The following FER1L6 variants were observed in gnomAD, a reference collection of about 807,000 sequenced individuals.
The protein encoded by FER1L6 is fer-1-like protein 6.
A neutral mutation model predicts 219.2 loss-of-function variants in FER1L6; 177 were observed. That is an observed-to-expected ratio of 0.81 (90% CI 0.71 to 0.91). The LOEUF (loss-of-function observed/expected upper bound fraction) is 0.91. Among genes scored for constraint, FER1L6 ranks in the 40% least tolerant of loss-of-function variants. The probability of loss-of-function intolerance (pLI) is 0.00; values close to 1 mark genes in which losing one functional copy is unlikely to be tolerated. For synonymous variants in FER1L6, 768 were observed against 824.3 expected, an observed-to-expected ratio of 0.93 and a Z score of 1.17; for missense variants, 2,153 against 2,259.9, an observed-to-expected ratio of 0.95 and a Z score of 0.96.
At chr8:123,931,610 A>G (rs576948926) in intron 1 of FER1L6, among the ~76,000 whole-genome samples, 97 of 152,372 alleles carry the variant, frequency 6.4e-4, no homozygotes, top group African/African-American at 2.3e-3. Context: ...AACTGCAAAG[A>G]CAATGTATTT....
chr8:123,977,277 G>A, intron 9 of FER1L6, 140 bp from the exon 10 acceptor site: 4 of 771,858 alleles, frequency 5.2e-6, no homozygotes, highest in Non-Finnish European at 8.4e-6. Context: ...CACGTTCGCT[G>A]AGTGTAACTG....
intron 1 of FER1L6, among the ~76,000 whole-genome samples, chr8:123,911,761 A>G (rs1419485745): frequency 6.6e-6 from 1 of 152,188 alleles, no homozygotes; most frequent in Admixed American, 6.5e-5. Flanking sequence ...GGTGAGATCA[A>G]GTCCTCAGAC....
In FER1L6 at chr8:124,067,851, C is replaced by T. The variant is rs139775700; in HGVS notation, c.3718+45C>T. 28 of 1,527,438 alleles carry T rather than the reference C, an allele frequency of 1.8e-5. No individual in the cohort carries two copies. The East Asian group carries it at 2.7e-4, about 15-fold the overall frequency. The allele number at this position is 1,527,438 out of a possible 1,614,324, so 94.6% of individuals were successfully genotyped here. A position where few individuals can be genotyped will look rare whatever the true frequency, so the allele number is the denominator to read the frequency against. On this transcript the variant is annotated intron_variant, in intron 28 of 40. Coordinates refer to ENST00000522917, the MANE Select transcript of FER1L6 (RefSeq NM_001039112.2). ...ACATTTGTCCATAGAATAGGGCCAT[C>T]GTTACGAGAAAATTGTAAAATGGAA...
chr8:123,988,654 T>C (rs551172504), intron 12 of FER1L6, among the ~76,000 whole-genome samples: 17 of 152,382 alleles, frequency 1.1e-4, no homozygotes, highest in South Asian at 6.2e-4. Flanking sequence ...GAAATGCTAC[T>C]AATTTTTAAA....
At chr8:123,952,697 A>G (rs1403450876) in intron 1 of FER1L6, among the ~76,000 whole-genome samples, 1 of 152,036 alleles carries the variant, frequency 6.6e-6, no homozygotes, top group Non-Finnish European at 1.5e-5. Flanking sequence ...TTGTCTGGAA[A>G]CCCCTGAAAT....
At chr8:123,891,699 G>T (rs753686289) in intron 1 of FER1L6, among the ~76,000 whole-genome samples, 7 of 152,098 alleles carry the variant, frequency 4.6e-5, no homozygotes, top group Non-Finnish European at 8.8e-5. Flanking sequence ...AAATTACAGG[G>T]CTTTGACTCC....
At chr8:124,119,483 C>A in intron 40 of FER1L6, 124 bp from the exon 41 acceptor site, 1 of 690,684 alleles carries the variant, frequency 1.4e-6, no homozygotes, top group Non-Finnish European at 2.6e-6. Flanking sequence ...TGCTCTTCTC[C>A]CATTTTCAGG....
chr8:124,078,938 G>C (rs543801284), intron 32 of FER1L6, among the ~76,000 whole-genome samples: 2 of 152,190 alleles, frequency 1.3e-5, no homozygotes, highest in Non-Finnish European at 2.9e-5. Flanking sequence ...CTGAAAGTAT[G>C]ATGTTCTGGG....
At chr8:123,927,692 TCTTA>T (rs1249435318) in intron 1 of FER1L6, among the ~76,000 whole-genome samples, 1 of 152,244 alleles carries the variant, frequency 6.6e-6, no homozygotes, top group African/African-American at 2.4e-5. Flanking sequence ...GCTGGTATTA[TCTTA>T]CTTTATTGAC....
At chr8:123,991,855 T>C (rs1005374131) in intron 12 of FER1L6, among the ~76,000 whole-genome samples, 2 of 152,128 alleles carry the variant, frequency 1.3e-5, no homozygotes, top group Non-Finnish European at 2.9e-5. Flanking sequence ...GGGCTTTTAT[T>C]ATTTTGAGAT....
intron 1 of FER1L6, among the ~76,000 whole-genome samples, chr8:123,892,645 G>A (rs1015419160): frequency 3.3e-5 from 5 of 152,130 alleles, no homozygotes; most frequent in Non-Finnish European, 5.9e-5. Context: ...TTGGGAAACC[G>A]AGTCTCCTCC....
chr8:123,973,945 TTGAG>T, intron 7 of FER1L6, among the ~76,000 whole-genome samples: 1 of 152,278 alleles, frequency 6.6e-6, no homozygotes, highest in Middle Eastern at 3.4e-3. Context: ...TGTTGGAGGA[TTGAG>T]TAAGTTAATA....
chr8:123,927,458 G>T (rs917749902), intron 1 of FER1L6, among the ~76,000 whole-genome samples: 1 of 152,158 alleles, frequency 6.6e-6, no homozygotes, highest in East Asian at 1.9e-4. Context: ...CATTTGAGTG[G>T]CCAGGATACA....
intron 1 of FER1L6, among the ~76,000 whole-genome samples, chr8:123,921,994 G>A (rs1813377691): frequency 6.6e-6 from 1 of 152,194 alleles, no homozygotes; most frequent in African/African-American, 2.4e-5. Flanking sequence ...GCAGCATGAG[G>A]GAAGTATGGA....
In FER1L6 at chr8:123,853,264, C is replaced by T. The variant is rs13282858; in HGVS notation, c.-8+1079C>T. ...CCACCTCCCAGGTTCAAGTGAGTCT[C>T]GTGCCTCAGGCTCCAGAATAGCTGG... On this transcript the variant is annotated intron_variant, in intron 1 of 40. Coordinates refer to ENST00000522917, the MANE Select transcript of FER1L6 (RefSeq NM_001039112.2). This position sits in a 1 kb window ranked among gnomAD's most constrained non-coding sequence, Gnocchi z 6.6. Among the ~76,000 whole-genome samples, 38,818 of 152,136 alleles carry T rather than the reference C, an allele frequency of 0.26. 5,456 individuals are homozygous for T. Among genetic ancestry groups the T allele is most frequent in the Non-Finnish European group, 0.33 (22,132 of 68,000 alleles).
At chr8:123,881,729 G>C (rs145141063) in intron 1 of FER1L6, among the ~76,000 whole-genome samples, 2 of 152,238 alleles carry the variant, frequency 1.3e-5, no homozygotes, top group East Asian at 1.9e-4. Flanking sequence ...GAGCTGAGTC[G>C]GCCTCGTCTT....
At chr8:124,072,766 C>CT in intron 31 of FER1L6, among the ~76,000 whole-genome samples, 1 of 152,190 alleles carries the variant, frequency 6.6e-6, no homozygotes, top group Non-Finnish European at 1.5e-5. Flanking sequence ...CTTAGAGTCA[C>CT]TGACAATGTT....
chr8:123,901,513 G>T lies in FER1L6; in HGVS notation c.-8+49328G>T, dbSNP rs1229114186. On this transcript the variant is annotated intron_variant, in intron 1 of 40. Transcript: ENST00000522917. ...CTTCATTTAGTTGTGCTCTGATCTT[G>T]GTTATTTCCTTTCTTCTGCTGGGTT... Among the ~76,000 whole-genome samples the T allele has an allele frequency of 1.4e-5, 2 of 141,792 alleles. 1 individual carries two copies. Among genetic ancestry groups the T allele is most frequent in the Non-Finnish European group, 3.0e-5 (2 of 65,954 alleles). The allele number at this position is 141,792 out of a possible 152,430, so 93.0% of individuals were successfully genotyped here.
chr8:124,079,954 T>G (rs1821465917), intron 32 of FER1L6, among the ~76,000 whole-genome samples: 1 of 152,126 alleles, frequency 6.6e-6, no homozygotes, highest in Non-Finnish European at 1.5e-5. Flanking sequence ...TCCCCATAAC[T>G]CTGTTGGAGC....
Sources: allele counts gnomAD v4.1 joint callset (sites outside exome capture counted in the v4.1 genomes callset), GRCh38; gene constraint gnomAD v4.1.1; non-coding constraint Gnocchi (gnomAD v3.1); transcripts MANE v1.5; gene names NCBI Gene and HGNC (gene_info 2026-07-23, HGNC 2026-07-21).